The following ERICH1 variants were observed in gnomAD, a reference collection of about 807,000 sequenced individuals.
ERICH1 encodes the protein glutamate rich 1.
In ERICH1, 56 loss-of-function variants were observed where a neutral mutation model predicts 39.6. The observed-to-expected ratio is 1.41, with a 90% CI of 1.14 to 1.77. ERICH1 has a LOEUF of 1.77. ERICH1 is among the 40% of genes most tolerant of loss of function. ERICH1 has a pLI of 0.00. For missense variants in ERICH1, 826 were observed against 575.4 expected, an observed-to-expected ratio of 1.44 and a Z score of -4.45; for synonymous variants, 313 against 223.6, an observed-to-expected ratio of 1.40 and a Z score of -3.57.
chr8:701,807 G>C (rs1812211799), intron 2 of ERICH1, among the ~76,000 whole-genome samples: 1 of 152,072 alleles, frequency 6.6e-6, no homozygotes, highest in Non-Finnish European at 1.5e-5. Context: ...AAAATGAAAA[G>C]GCAGCCAGGC....
downstream of ERICH1, among the ~76,000 whole-genome samples, chr8:660,992 C>T (rs1005078342): frequency 6.6e-6 from 1 of 152,304 alleles, no homozygotes; most frequent in Non-Finnish European, 1.5e-5. Flanking sequence ...GACCTTGGCT[C>T]GCTCTCAGCC....
At chr8:688,965 T>A (rs1808300211) in intron 3 of ERICH1, among the ~76,000 whole-genome samples, 1 of 152,158 alleles carries the variant, frequency 6.6e-6, no homozygotes, top group Non-Finnish European at 1.5e-5. Flanking sequence ...TAAATGACAG[T>A]TTTACAAAAA....
intron 1 of ERICH1, among the ~76,000 whole-genome samples, chr8:717,507 A>G (rs1373004960): frequency 1.3e-5 from 2 of 152,338 alleles, no homozygotes; most frequent in East Asian, 3.9e-4. Flanking sequence ...ATAAAAATCC[A>G]ATGGTCACAT....
At chr8:654,300 C>T (rs536443992) in intron 3 of ERICH1, among the ~76,000 whole-genome samples, 91 of 152,242 alleles carry the variant, frequency 6.0e-4, no homozygotes, top group Admixed American at 1.8e-3. Flanking sequence ...AATTGAGGCC[C>T]GTTAACTTAC....
intron 2 of ERICH1, among the ~76,000 whole-genome samples, chr8:695,341 TAAAG>T (rs1026880467): frequency 9.9e-5 from 15 of 151,746 alleles, no homozygotes; most frequent in Non-Finnish European, 2.1e-4. Context: ...ACCAGGAAAA[TAAAG>T]AAATCAGAGA....
At chr8:685,238 A>G (rs530830602) in intron 3 of ERICH1, among the ~76,000 whole-genome samples, 1 of 152,244 alleles carries the variant, frequency 6.6e-6, no homozygotes, top group East Asian at 1.9e-4. Context: ...TAATTCAGCG[A>G]TATTTCTCTT....
intron 3 of ERICH1, among the ~76,000 whole-genome samples, chr8:623,061 C>T (rs1268774403): frequency 2.6e-5 from 4 of 152,016 alleles, no homozygotes; most frequent in African/African-American, 9.7e-5. Flanking sequence ...TAACACTTCC[C>T]AACTCATTTT....
intron 1 of ERICH1, among the ~76,000 whole-genome samples, chr8:724,429 AC>A (rs768233177): frequency 4.6e-5 from 7 of 152,222 alleles, no homozygotes; most frequent in African/African-American, 1.7e-4. Context: ...CCTTACCTTC[AC>A]GGGCGGCTGC....
chr8:656,619 TG>T, intron 3 of ERICH1: 1 of 400,138 alleles, frequency 2.5e-6, no homozygotes, highest in Non-Finnish European at 3.4e-6. Flanking sequence ...AGCCAGGGCT[TG>T]CCCCTGGGAC....
intron 3 of ERICH1, among the ~76,000 whole-genome samples, chr8:617,164 G>C (rs1452138046): frequency 6.6e-6 from 1 of 152,140 alleles, no homozygotes. Flanking sequence ...AGTCCACTCA[G>C]GGCACAGGCG....
At chr8:627,348 A>G in intron 3 of ERICH1, 2 of 390,290 alleles carry the variant, frequency 5.1e-6, no homozygotes, top group South Asian at 3.6e-5. Flanking sequence ...CTTGTCTCCC[A>G]TTCCTGGACA....
intron 2 of ERICH1, among the ~76,000 whole-genome samples, chr8:706,730 A>G (rs11137042): frequency 0.6 from 91,519 of 152,044 alleles, 27,946 homozygotes; most frequent in East Asian, 0.92. Flanking sequence ...AGATCATGCC[A>G]TTGTACTCTA....
At chr8:729,304 C>T (rs1348779770) in intron 1 of ERICH1, among the ~76,000 whole-genome samples, 1 of 152,192 alleles carries the variant, frequency 6.6e-6, no homozygotes, top group African/African-American at 2.4e-5. Context: ...AGCGCCCAAC[C>T]CCCACCTGCA....
chr8:657,311 T>G (rs1800784043), intron 3 of ERICH1, among the ~76,000 whole-genome samples: 1 of 152,070 alleles, frequency 6.6e-6, no homozygotes, highest in African/African-American at 2.4e-5. Flanking sequence ...AAGGGGAGCT[T>G]ATTGCAGGCT....
chr8:658,443 C>A (rs1019538359), intron 3 of ERICH1, among the ~76,000 whole-genome samples: 1 of 152,200 alleles, frequency 6.6e-6, no homozygotes. Context: ...CTTCGACCTC[C>A]CTGAACACCT....
chr8:674,371 C>T (rs1355855767), intron 3 of ERICH1, among the ~76,000 whole-genome samples: 4 of 142,852 alleles, frequency 2.8e-5, no homozygotes, highest in Non-Finnish European at 3.0e-5. Context: ...GGAACAATCT[C>T]GGCTCACTGC....
chr8:664,428 C>A lies in ERICH1; in HGVS notation c.*175G>T, dbSNP rs1199729707. 1.6e-6 allele frequency: 2 copies of A among 1,249,912 alleles called. No homozygotes were observed. The highest frequency in any genetic ancestry group is 3.9e-5 in the Admixed American group (1 of 25,832). The allele number at this position is 1,249,912 out of a possible 1,614,324, so 77.4% of individuals were successfully genotyped here. On this transcript the variant is annotated 3_prime_UTR_variant, in exon 6 of 6. Transcript: ENST00000262109. ...TAAGTGAAAAATTTCCATTTTACCC[C>A]AATTTCTCATCTGAAGCCTCAGATG... is the stretch of plus-strand genomic sequence containing the variant.
intron 1 of ERICH1, among the ~76,000 whole-genome samples, chr8:730,040 C>T (rs1262625716): frequency 6.6e-6 from 1 of 152,106 alleles, no homozygotes; most frequent in African/African-American, 2.4e-5. Context: ...CTCCTAAGAA[C>T]CTCGACACTG....
At position 691,496 on chromosome 8, in the gene ERICH1, G is replaced by T. The variant is rs573805611; in HGVS notation, c.304+982C>A. On this transcript the variant is annotated intron_variant, in intron 3 of 5. Coordinates refer to ENST00000262109, the MANE Select transcript of ERICH1 (RefSeq NM_207332.3). ...GCGCCAACCGCGGACAACAGGAAGG[G>T]CGTGAGTGAGGGCCAACGCACTTCC... Among the ~76,000 whole-genome samples the T allele has an allele frequency of 2.0e-5, 3 of 152,352 alleles. No homozygotes were observed. In the South Asian group the frequency reaches 6.2e-4, roughly 32 times the overall value.
Sources: allele counts gnomAD v4.1 joint callset (sites outside exome capture counted in the v4.1 genomes callset), GRCh38; gene constraint gnomAD v4.1.1; transcripts MANE v1.5; gene names NCBI Gene and HGNC (gene_info 2026-07-23, HGNC 2026-07-21).